WDPCP: variants seen among roughly 807,000 people sequenced by gnomAD.
WDPCP encodes the protein WD repeat containing planar cell polarity effector, also known as WD repeat-containing and planar cell polarity effector protein fritz homolog.
WDPCP carries 71 observed loss-of-function variants against 93.1 expected under a neutral mutation model. The ratio of observed to expected loss-of-function variants is 0.76; its 90% CI spans 0.63 to 0.93. The LOEUF (loss-of-function observed/expected upper bound fraction) is 0.93, where lower values mean the gene tolerates loss of function less well. WDPCP is among the 40% of genes least tolerant of loss of function. The probability of loss-of-function intolerance (pLI) is 0.00; values close to 1 mark genes in which losing one functional copy is unlikely to be tolerated. For missense variants in WDPCP, 844 were observed against 887.4 expected, an observed-to-expected ratio of 0.95 and a Z score of 0.62; for synonymous variants, 315 against 315.0, an observed-to-expected ratio of 1.00 and a Z score of 0.00.
chr2:63,573,343 C>T (rs1489057474), intron 1 of WDPCP, among the ~76,000 whole-genome samples: 1 of 152,072 alleles, frequency 6.6e-6, no homozygotes, highest in Non-Finnish European at 1.5e-5. Context: ...AACGGAGGGA[C>T]CGGCTGAAGC....
chr2:63,734,706 T>C (rs1669613436), intron 2 of WDPCP, among the ~76,000 whole-genome samples: 1 of 152,234 alleles, frequency 6.6e-6, no homozygotes, highest in African/African-American at 2.4e-5. Context: ...AAGCTGACCA[T>C]GGCAAAATGC....
rs565525528 is a variant in WDPCP, at chr2:63,595,980, G to C, written n.488+54679C>G. Among the ~76,000 whole-genome samples the C allele has an allele frequency of 9.2e-5, 14 of 152,124 alleles. No individual in the cohort carries two copies. The East Asian group carries it at 9.7e-4, about 11-fold the overall frequency. On this transcript the variant is annotated intron_variant and non_coding_transcript_variant, in intron 3 of 4. Coordinates refer to the WDPCP transcript ENST00000467687. ...GGAAGTTGGTTGGTTCCTCTTACAC[G>C]GTCCCCATCCCATCTACCAATCATC...
At chr2:63,801,218 G>C (rs985895542) in intron 2 of WDPCP, among the ~76,000 whole-genome samples, 8 of 152,302 alleles carry the variant, frequency 5.3e-5, no homozygotes, top group Middle Eastern at 6.8e-3. Flanking sequence ...ATGAAGGTTT[G>C]CCTCAGGTTA....
At chr2:63,206,584 C>G (rs1391964179) in intron 14 of WDPCP, among the ~76,000 whole-genome samples, 4 of 152,110 alleles carry the variant, frequency 2.6e-5, no homozygotes, top group Admixed American at 1.3e-4. Context: ...TCCTGAGAAG[C>G]TGGGAGTACA....
At chr2:63,562,958 G>A (rs768383694) in intron 1 of WDPCP, among the ~76,000 whole-genome samples, 39 of 152,092 alleles carry the variant, frequency 2.6e-4, no homozygotes, top group Non-Finnish European at 4.7e-4. Flanking sequence ...TAGAGATGTG[G>A]ACACTAGTGT....
intron 14 of WDPCP, among the ~76,000 whole-genome samples, chr2:63,223,043 T>G (rs1009657099): frequency 4.6e-5 from 7 of 152,130 alleles, no homozygotes; most frequent in African/African-American, 1.7e-4. Flanking sequence ...CCAGATAAGA[T>G]AAAATGGGTA....
At chr2:63,265,252 A>G (rs140008874) in intron 13 of WDPCP, among the ~76,000 whole-genome samples, 111 of 152,160 alleles carry the variant, frequency 7.3e-4, no homozygotes, top group Non-Finnish European at 1.4e-3. Context: ...TTGGTTTTTG[A>G]AAAGATAAAC....
chr2:63,717,624 C>A, intron 2 of WDPCP: 4 of 526,254 alleles, frequency 7.6e-6, no homozygotes, highest in Middle Eastern at 3.4e-4. Flanking sequence ...TGCCTAGTGA[C>A]CCCATGTTAA....
At chr2:63,836,033 T>C in the WDPCP span, among the ~76,000 whole-genome samples, 3 of 152,144 alleles carry the variant, frequency 2.0e-5, no homozygotes, top group Non-Finnish European at 4.4e-5. Flanking sequence ...TTTTGTATTT[T>C]AGTAGAGAAG....
Position 63,548,466 on chromosome 2 carries a change from A to C in WDPCP, c.75+39731T>G, listed in dbSNP as rs967153182. On this transcript the variant is annotated intron_variant, in intron 1 of 17. Transcript: ENST00000272321. ...AGTTTCCTGAATGGCAATCAGAAAA[A>C]AAAAATCATAATAGATATGGATTTT... Among the ~76,000 whole-genome samples, 92 of 152,286 alleles carry C rather than the reference A, an allele frequency of 6.0e-4. 1 individual carries two copies. Among genetic ancestry groups the C allele is most frequent in the African/African-American group, 2.2e-3 (90 of 41,560 alleles).
intron 14 of WDPCP, among the ~76,000 whole-genome samples, chr2:63,233,915 G>A (rs1489883565): frequency 4.6e-5 from 7 of 152,060 alleles, no homozygotes; most frequent in Admixed American, 1.3e-4. Flanking sequence ...CATCTCCTGT[G>A]CCCAGCCAAC....
chr2:63,640,874 T>C (rs985596026), intron 3 of WDPCP, among the ~76,000 whole-genome samples: 3 of 152,208 alleles, frequency 2.0e-5, no homozygotes, highest in Non-Finnish European at 4.4e-5. Context: ...TTATCGACTA[T>C]AGTCACCCTG....
intron 3 of WDPCP, among the ~76,000 whole-genome samples, chr2:63,612,455 C>A (rs749659256): frequency 6.6e-6 from 1 of 152,138 alleles, no homozygotes; most frequent in Non-Finnish European, 1.5e-5. Flanking sequence ...GCCTTCCCAG[C>A]GCCTCCCTTG....
rs1161716676 is a variant in WDPCP at position 63,514,142 on chromosome 2, A to C, written c.76-21202T>G. Among the ~76,000 whole-genome samples, 4 of 152,172 alleles carry C rather than the reference A, an allele frequency of 2.6e-5. 1 individual carries two copies. The highest frequency in any genetic ancestry group is 9.7e-5 in the African/African-American group (4 of 41,406). On this transcript the variant is annotated intron_variant, in intron 1 of 17. Coordinates refer to ENST00000272321, the MANE Select transcript of WDPCP (RefSeq NM_015910.7). ...AAGCAAATACCAGAAGAAATAACTGAAGAATTAAAATTGGTTGCCTCTGGA... is the reference window on the plus strand; with the variant it reads ...AAGCAAATACCAGAAGAAATAACTGCAGAATTAAAATTGGTTGCCTCTGGA...
chr2:63,152,849 T>C lies in WDPCP; in HGVS notation c.2190+65A>G. The stretch of plus-strand genomic sequence containing the variant: ...ATAGCATTTCTTGAGTTCAAAATAA[T>C]CACATACATTATGCTTTTCTCTTAG... On this transcript the variant is annotated intron_variant, in intron 17 of 17. Coordinates refer to ENST00000272321, the MANE Select transcript of WDPCP (RefSeq NM_015910.7). The C allele has an allele frequency of 2.7e-6, 4 of 1,477,180 alleles. No homozygotes were observed. The South Asian group carries it at 4.6e-5, about 17-fold the overall frequency. The allele number at this position is 1,477,180 out of a possible 1,614,324, so 91.5% of individuals were successfully genotyped here.
At chr2:63,429,161 A>G (rs578084301) in intron 9 of WDPCP, among the ~76,000 whole-genome samples, 29 of 152,360 alleles carry the variant, frequency 1.9e-4, no homozygotes, top group Non-Finnish European at 3.2e-4. Context: ...CAGCATAAAC[A>G]AAAATTAATT....
In WDPCP at chr2:63,119,623, G is replaced by A. The variant is rs183056192; in HGVS notation, c.*2383C>T. 178 of 152,246 alleles carry A rather than the reference G, an allele frequency of 1.2e-3. 2 individuals carry two copies. The highest frequency in any genetic ancestry group is 3.9e-3 in the African/African-American group (164 of 41,548). 9.4% of individuals were successfully genotyped at this position (152,246 alleles called of 1,614,324 possible). On this transcript the variant is annotated 3_prime_UTR_variant, in exon 18 of 18. Coordinates refer to ENST00000272321, the MANE Select transcript of WDPCP (RefSeq NM_015910.7). ...AATGTGACAGCTAATATAAATTACT[G>A]TGGAAATTACCTCAGATCTGAGAAA...
intron 12 of WDPCP, among the ~76,000 whole-genome samples, chr2:63,334,639 T>G (rs1342391801): frequency 1.3e-5 from 2 of 152,132 alleles, no homozygotes; most frequent in East Asian, 3.9e-4. Flanking sequence ...CCAGCTTGAC[T>G]TTTCCCTTTA....
At chr2:63,140,724 G>C (rs1351738994) in intron 17 of WDPCP, among the ~76,000 whole-genome samples, 1 of 152,086 alleles carries the variant, frequency 6.6e-6, no homozygotes, top group Admixed American at 6.6e-5. Flanking sequence ...GGAGTCCTTA[G>C]GGTTTTCAAG....
Sources: allele counts gnomAD v4.1 joint callset (sites outside exome capture counted in the v4.1 genomes callset), GRCh38; gene constraint gnomAD v4.1.1; transcripts MANE v1.5; gene names NCBI Gene and HGNC (gene_info 2026-07-23, HGNC 2026-07-21).